The following EXTL3 variants were observed in gnomAD, a reference collection of about 807,000 sequenced individuals.
EXTL3 encodes the protein exostosin-like 3.
EXTL3 carries 27 observed loss-of-function variants against 69.3 expected under a neutral mutation model. The ratio of observed to expected loss-of-function variants is 0.39; its 90% CI spans 0.29 to 0.54. EXTL3 has a LOEUF of 0.54. EXTL3 is among the 20% of genes least tolerant of loss of function. The pLI, the probability that EXTL3 is intolerant of heterozygous loss-of-function variation, is 0.69. For synonymous variants in EXTL3, 511 were observed against 499.4 expected (o/e 1.02, Z -0.31); for missense variants, 1,003 against 1,231.8 (o/e 0.81, Z 2.78).
At chr8:28,628,631 G>A (rs1563429062) in intron 1 of EXTL3, among the ~76,000 whole-genome samples, 1 of 152,248 alleles carries the variant, frequency 6.6e-6, no homozygotes, top group East Asian at 1.9e-4. Flanking sequence ...GATTCCCAAG[G>A]CCTAGGAGCT....
chr8:28,690,488 GTTTTAAC>G (rs1229131775), intron 1 of EXTL3, among the ~76,000 whole-genome samples: 9 of 152,134 alleles, frequency 5.9e-5, no homozygotes, highest in Non-Finnish European at 8.8e-5. Flanking sequence ...TGGTGGTTTT[GTTTTAAC>G]TTTTAAGTTC....
At chr8:28,618,190 G>C (rs984145507), upstream of EXTL3, among the ~76,000 whole-genome samples, 1 of 152,028 alleles carries the variant, frequency 6.6e-6, no homozygotes, top group African/African-American at 2.4e-5. Context: ...GTGAAGCCGG[G>C]CATGGTGGCT....
intron 1 of EXTL3, among the ~76,000 whole-genome samples, chr8:28,703,711 C>T (rs1311025745): frequency 6.6e-6 from 1 of 152,090 alleles, no homozygotes; most frequent in Non-Finnish European, 1.5e-5. Flanking sequence ...AAGGTTCGAG[C>T]GCCTTTGTAT....
chr8:28,683,763 T>C (rs1460520376), intron 1 of EXTL3, among the ~76,000 whole-genome samples: 4 of 152,000 alleles, frequency 2.6e-5, no homozygotes, highest in Non-Finnish European at 5.9e-5. Context: ...TGAGCTGAGA[T>C]TGCCCCACTG....
At chr8:28,697,640 G>C (rs1800703974), upstream of EXTL3, 1 of 152,098 alleles carries the variant, frequency 6.6e-6, no homozygotes, top group Non-Finnish European at 1.5e-5. Context: ...TTCAAGATCA[G>C]CCTGGGCAAC....
chr8:28,671,297 G>GTTTTGTT (rs1191810657), intron 1 of EXTL3, among the ~76,000 whole-genome samples: 14 of 115,430 alleles, frequency 1.2e-4, no homozygotes, highest in South Asian at 5.8e-4. Context: ...TTATTTTTAT[G>GTTTTGTT]TTTTGTTTTT....
intron 4 of EXTL3, among the ~76,000 whole-genome samples, chr8:28,735,258 C>T (rs960333299): frequency 2.6e-5 from 4 of 152,072 alleles, no homozygotes; most frequent in African/African-American, 9.7e-5. Context: ...CAGTTTGGAG[C>T]GTGCCGAAGG....
chr8:28,687,971 C>T (rs576382420), intron 1 of EXTL3, among the ~76,000 whole-genome samples: 1 of 151,738 alleles, frequency 6.6e-6, no homozygotes, highest in South Asian at 2.1e-4. Context: ...GAAGTGATCA[C>T]TGGTTATCTT....
intron 1 of EXTL3, among the ~76,000 whole-genome samples, chr8:28,649,824 A>G (rs1585231204): frequency 6.6e-6 from 1 of 151,436 alleles, no homozygotes; most frequent in East Asian, 1.9e-4. Flanking sequence ...ACATTATTCT[A>G]TGTTTTCTTT....
intron 1 of EXTL3, among the ~76,000 whole-genome samples, chr8:28,649,023 G>C (rs548231871): frequency 6.6e-6 from 1 of 152,260 alleles, no homozygotes; most frequent in South Asian, 2.1e-4. Flanking sequence ...CTCCTGAGTA[G>C]CTGGGATTAC....
At chr8:28,678,964 C>T (rs1488133076) in intron 1 of EXTL3, among the ~76,000 whole-genome samples, 1 of 151,834 alleles carries the variant, frequency 6.6e-6, no homozygotes, top group Non-Finnish European at 1.5e-5. Context: ...AATTCAGCTC[C>T]AACTTTCATG....
chr8:28,661,698 G>A (rs929012017), intron 1 of EXTL3, among the ~76,000 whole-genome samples: 5 of 151,552 alleles, frequency 3.3e-5, no homozygotes, highest in African/African-American at 1.2e-4. Context: ...TGGCCAACAT[G>A]GTGAAACCCC....
intron 1 of EXTL3, among the ~76,000 whole-genome samples, chr8:28,640,403 T>A (rs1308943494): frequency 6.6e-6 from 1 of 152,198 alleles, no homozygotes; most frequent in African/African-American, 2.4e-5. Context: ...ATTGAAAAGA[T>A]CTTAGTAAAA....
At chr8:28,737,485 A>T in intron 4 of EXTL3, 34 bp from the exon 5 acceptor site, 1 of 1,613,666 alleles carries the variant, frequency 6.2e-7, no homozygotes, top group South Asian at 1.1e-5. Context: ...AGAGCTCTGT[A>T]TTCAGGTCTG....
chr8:28,718,216 G>A lies in EXTL3; in HGVS notation c.2148+9G>A. The A allele has an allele frequency of 6.2e-7, 1 of 1,613,150 alleles. No individual in the cohort carries two copies. Among genetic ancestry groups the A allele is most frequent in the South Asian group, 1.1e-5 (1 of 91,078 alleles). ...TTGGCGTCCCCATCATGGTAATAGAGAAACGAACAGTTCGTTTTGGTGCAT... is the reference window on the plus strand; with the variant it reads ...TTGGCGTCCCCATCATGGTAATAGAAAAACGAACAGTTCGTTTTGGTGCAT... On this transcript the variant is annotated intron_variant, in intron 3 of 6. Transcript: ENST00000220562.
chr8:28,638,109 G>A (rs1201767106), intron 1 of EXTL3, among the ~76,000 whole-genome samples: 1 of 152,034 alleles, frequency 6.6e-6, no homozygotes, highest in Non-Finnish European at 1.5e-5. Context: ...TTATCTTCCT[G>A]GATCCCTTCC....
intron 5 of EXTL3, among the ~76,000 whole-genome samples, chr8:28,738,037 A>T (rs995953773): frequency 4.6e-5 from 7 of 152,170 alleles, no homozygotes; most frequent in African/African-American, 1.4e-4. Context: ...CACTTTTCTG[A>T]CTTAGATATA....
intron 3 of EXTL3, among the ~76,000 whole-genome samples, chr8:28,724,919 C>T (rs566806410): frequency 4.1e-4 from 62 of 152,300 alleles, no homozygotes; most frequent in African/African-American, 1.4e-3. Context: ...CCTAGGTCCT[C>T]CTGAGCTGGG....
chr8:28,650,738 G>T (rs1433490338), intron 1 of EXTL3, among the ~76,000 whole-genome samples: 1 of 152,024 alleles, frequency 6.6e-6, no homozygotes, highest in Non-Finnish European at 1.5e-5. Flanking sequence ...TTCCATACAG[G>T]TAGGAGTTGG....
Sources: allele counts gnomAD v4.1 joint callset (sites outside exome capture counted in the v4.1 genomes callset), GRCh38; gene constraint gnomAD v4.1.1; transcripts MANE v1.5; gene names NCBI Gene and HGNC (gene_info 2026-07-23, HGNC 2026-07-21).